MGAT4C: variants seen among roughly 807,000 people sequenced by gnomAD.
MGAT4C encodes MGAT4 family member C, also known as alpha-1,3-mannosyl-glycoprotein 4-beta-N-acetylglucosaminyltransferase C.
In MGAT4C, 19 loss-of-function variants were observed where a neutral mutation model predicts 40.1. The observed-to-expected ratio is 0.47, with a 90% CI of 0.33 to 0.70. The LOEUF is 0.70. Ranked by LOEUF, MGAT4C falls within the 30% of genes least tolerant of loss-of-function variation. The probability of loss-of-function intolerance (pLI) is 0.02; values close to 1 mark genes in which losing one functional copy is unlikely to be tolerated. For synonymous variants in MGAT4C, 181 were observed against 187.1 expected (o/e 0.97, Z 0.27); for missense variants, 491 against 563.2 (o/e 0.87, Z 1.30).
chr12:86,634,499 C>T (rs908836029), intron 2 of MGAT4C, among the ~76,000 whole-genome samples: 1 of 152,090 alleles, frequency 6.6e-6, no homozygotes, highest in African/African-American at 2.4e-5. Flanking sequence ...TCAAGATCTG[C>T]TCAGGGTTTC....
At chr12:86,417,761 T>C (rs1956745438) in intron 3 of MGAT4C, among the ~76,000 whole-genome samples, 1 of 152,102 alleles carries the variant, frequency 6.6e-6, no homozygotes, top group African/African-American at 2.4e-5. Context: ...AGAGATACTT[T>C]CTTTTAATAA....
Position 85,957,471 on chromosome 12 carries a change from G to A in MGAT4C, c.*21818C>T, listed in dbSNP as rs1396385431. On this transcript the variant is annotated 3_prime_UTR_variant, in exon 5 of 5. Coordinates refer to ENST00000611864, the MANE Select transcript of MGAT4C (RefSeq NM_001351288.2). The stretch of plus-strand genomic sequence containing the variant: ...AGCAGTGGCTAGAAGGAAATTAATG[G>A]TTTGGGAGGTTGAGCAACAGACTTT... 1 of 152,102 alleles carries A rather than the reference G, an allele frequency of 6.6e-6. No individual in the cohort carries two copies. The allele number at this position is 152,102 out of a possible 1,614,324, so 9.4% of individuals were successfully genotyped here. A position where few individuals can be genotyped will look rare whatever the true frequency, so the allele number is the denominator to read the frequency against.
chr12:86,136,846 C>A (rs2135726155), intron 1 of MGAT4C, among the ~76,000 whole-genome samples: 1 of 152,168 alleles, frequency 6.6e-6, no homozygotes, highest in African/African-American at 2.4e-5. Flanking sequence ...CACTACCACG[C>A]CTGGCTAATT....
In MGAT4C at chr12:86,138,843, G is replaced by T. The variant is rs557380948; in HGVS notation, c.-56-89120C>A. Among the ~76,000 whole-genome samples the T allele has an allele frequency of 5.3e-5, 8 of 152,138 alleles. No homozygotes were observed. In the South Asian group the frequency reaches 1.7e-3, roughly 32 times the overall value. On this transcript the variant is annotated intron_variant, in intron 1 of 4. Coordinates refer to ENST00000611864, the MANE Select transcript of MGAT4C (RefSeq NM_001351288.2). ...TTCTTTTGGACTAGTGTCAGGAAGA[G>T]AGGAACTTTCCTTATAAATTAGCAG...
intron 1 of MGAT4C, among the ~76,000 whole-genome samples, chr12:86,766,031 T>C (rs1331910107): frequency 2.0e-5 from 3 of 152,076 alleles, no homozygotes; most frequent in African/African-American, 4.8e-5. Flanking sequence ...TAACCTTAAA[T>C]GTAAATGGAC....
At chr12:86,559,422 A>T (rs1360893847) in intron 2 of MGAT4C, among the ~76,000 whole-genome samples, 1 of 151,944 alleles carries the variant, frequency 6.6e-6, no homozygotes, top group African/African-American at 2.4e-5. Context: ...GTCCACAAAA[A>T]AACATAAAGA....
intron 1 of MGAT4C, among the ~76,000 whole-genome samples, chr12:86,082,838 T>C (rs908398056): frequency 6.6e-6 from 1 of 152,134 alleles, no homozygotes; most frequent in Admixed American, 6.6e-5. Context: ...TATTGATTTA[T>C]ACTTTTATTT....
chr12:86,724,591 A>G (rs570839443), intron 2 of MGAT4C, among the ~76,000 whole-genome samples: 2 of 152,326 alleles, frequency 1.3e-5, no homozygotes, highest in South Asian at 4.1e-4. Flanking sequence ...TACATAATAG[A>G]TGCAGTAGCT....
At position 85,989,687 on chromosome 12, in the gene MGAT4C, A is replaced by G. The variant is rs373573636; in HGVS notation, c.-6-135T>C. 1.6e-4 allele frequency: 129 copies of G among 784,424 alleles called. 2 individuals carry two copies. In the East Asian group the frequency reaches 1.7e-3, roughly 11 times the overall value. 48.6% of individuals were successfully genotyped at this position (784,424 alleles called of 1,614,324 possible). ...AATTAAAATTCTGTTCCCAATTTCAAACATAAGGTTGGCACAGATCATTAA... is the reference window on the plus strand; with the variant it reads ...AATTAAAATTCTGTTCCCAATTTCAGACATAAGGTTGGCACAGATCATTAA... On this transcript the variant is annotated intron_variant, in intron 2 of 4. Transcript: ENST00000611864.
chr12:86,177,181 T>A (rs570787948), intron 1 of MGAT4C, among the ~76,000 whole-genome samples: 4 of 152,150 alleles, frequency 2.6e-5, no homozygotes, highest in Non-Finnish European at 5.9e-5. Flanking sequence ...TACTGGGAAA[T>A]TCTCAGCAAC....
chr12:86,835,829 T>G (rs1023456543), intron 1 of MGAT4C, among the ~76,000 whole-genome samples: 1 of 151,652 alleles, frequency 6.6e-6, no homozygotes, highest in African/African-American at 2.4e-5. Flanking sequence ...TGTGATAATA[T>G]ACATTTACAC....
At chr12:86,195,973 T>C (rs58821403) in intron 1 of MGAT4C, among the ~76,000 whole-genome samples, 9,083 of 152,278 alleles carry the variant, frequency 0.06, 922 homozygotes, top group African/African-American at 0.21. Flanking sequence ...TAGAAATATA[T>C]AAACATACAT....
At chr12:86,467,250 T>C (rs1027615658) in intron 2 of MGAT4C, among the ~76,000 whole-genome samples, 2 of 152,126 alleles carry the variant, frequency 1.3e-5, no homozygotes, top group African/African-American at 4.8e-5. Context: ...AAATTATTAG[T>C]ATGTACATGT....
At chr12:86,599,401 A>G (rs544946212) in intron 2 of MGAT4C, among the ~76,000 whole-genome samples, 1 of 152,314 alleles carries the variant, frequency 6.6e-6, no homozygotes, top group South Asian at 2.1e-4. Context: ...AAAAATAGCC[A>G]TTGGCAGAAA....
At position 86,363,934 on chromosome 12, in the gene MGAT4C, A is replaced by T. The variant is rs192442908; in HGVS notation, c.-119-29807T>A. Among the ~76,000 whole-genome samples, 358 of 150,986 alleles carry T rather than the reference A, an allele frequency of 2.4e-3. 1 individual carries two copies. Among genetic ancestry groups the T allele is most frequent in the African/African-American group, 8.2e-3 (340 of 41,236 alleles). Reference sequence around the variant, plus strand: ...GAATAAACCAATTTATTAAGAAAAAAATTACCAAATCTCTTTCTCACTCTC... The same window carrying T: ...GAATAAACCAATTTATTAAGAAAAATATTACCAAATCTCTTTCTCACTCTC... On this transcript the variant is annotated intron_variant, in intron 3 of 7. Coordinates refer to the MGAT4C transcript ENST00000548651.
At chr12:86,384,792 C>T (rs1956020434) in intron 3 of MGAT4C, among the ~76,000 whole-genome samples, 1 of 152,196 alleles carries the variant, frequency 6.6e-6, no homozygotes, top group Non-Finnish European at 1.5e-5. Context: ...CAGAGTCTCA[C>T]ACTCTGTGTA....
At chr12:86,512,294 T>C (rs1386819344) in intron 2 of MGAT4C, among the ~76,000 whole-genome samples, 1 of 152,102 alleles carries the variant, frequency 6.6e-6, no homozygotes, top group Non-Finnish European at 1.5e-5. Flanking sequence ...ACTGAAAGCA[T>C]TGTACACTAT....
intron 4 of MGAT4C, among the ~76,000 whole-genome samples, chr12:86,274,060 T>C (rs1247670628): frequency 6.6e-6 from 1 of 152,182 alleles, no homozygotes; most frequent in Non-Finnish European, 1.5e-5. Context: ...GGCAGATAAT[T>C]TGTAAGCTCC....
chr12:86,479,262 T>C (rs1957893232), intron 2 of MGAT4C, among the ~76,000 whole-genome samples: 1 of 151,978 alleles, frequency 6.6e-6, no homozygotes, highest in African/African-American at 2.4e-5. Context: ...AATATAAAAA[T>C]GAATATATAA....
Sources: gnomAD v4.1 joint callset for allele counts (sites outside exome capture counted in the v4.1 genomes callset) on GRCh38, gnomAD v4.1.1 for gene constraint, MANE v1.5 for transcripts, NCBI Gene and HGNC (gene_info 2026-07-23, HGNC 2026-07-21) for gene names.